The following SRRM1 variants were observed in gnomAD, a reference collection of about 807,000 sequenced individuals.
SRRM1 encodes the protein serine/arginine repetitive matrix protein 1.
SRRM1 carries 19 observed loss-of-function variants against 110.2 expected under a neutral mutation model. The observed-to-expected ratio is 0.17, with a 90% CI of 0.12 to 0.25. The LOEUF is 0.25. SRRM1 is among the 10% of genes least tolerant of loss of function. The pLI is 1.00. For synonymous variants in SRRM1, 443 were observed against 414.9 expected (o/e 1.07, Z -0.82); for missense variants, 918 against 1,145.8 (o/e 0.80, Z 2.87).
intron 2 of SRRM1, among the ~76,000 whole-genome samples, chr1:24,646,304 A>G (rs181588144): frequency 4.6e-5 from 7 of 152,230 alleles, no homozygotes; most frequent in Admixed American, 3.9e-4. Flanking sequence ...GAGGCGGGCA[A>G]ATCACAATGT....
At chr1:24,662,069 G>A (rs1307831274) in intron 11 of SRRM1, among the ~76,000 whole-genome samples, 1 of 152,210 alleles carries the variant, frequency 6.6e-6, no homozygotes, top group East Asian at 1.9e-4. Flanking sequence ...CAGCCTGGGA[G>A]CCTGGGCAAC....
At chr1:24,668,248 G>A (rs971547849) in intron 13 of SRRM1, among the ~76,000 whole-genome samples, 2 of 152,120 alleles carry the variant, frequency 1.3e-5, no homozygotes, top group African/African-American at 2.4e-5. Context: ...GATGACAGGT[G>A]TGACCCACTC....
intron 12 of SRRM1, among the ~76,000 whole-genome samples, chr1:24,665,382 T>C (rs900342416): frequency 6.7e-5 from 10 of 149,972 alleles, no homozygotes; most frequent in Admixed American, 4.7e-4. Flanking sequence ...TGAGCCGATA[T>C]CGTGCCATTG....
intron 9 of SRRM1, among the ~76,000 whole-genome samples, chr1:24,660,412 GACA>G (rs1666551063): frequency 6.6e-6 from 1 of 152,192 alleles, no homozygotes. Context: ...GTTCAGATAT[GACA>G]ACAAGGTCTT....
chr1:24,651,966 C>T (rs1161734106), intron 6 of SRRM1, among the ~76,000 whole-genome samples: 2 of 145,254 alleles, frequency 1.4e-5, no homozygotes, highest in African/African-American at 2.5e-5. Context: ...GTGGGTGGAT[C>T]GCTTGAGCTC....
At chr1:24,657,579 G>T (rs1405548011) in intron 9 of SRRM1, among the ~76,000 whole-genome samples, 1 of 152,162 alleles carries the variant, frequency 6.6e-6, no homozygotes, top group Non-Finnish European at 1.5e-5. Context: ...ACTAATCAGG[G>T]CTTTAGGGCT....
At position 24,645,996 on chromosome 1, in the gene SRRM1, G is replaced by T; in HGVS notation, c.34G>T (p.Glu12Ter). The T allele has an allele frequency of 6.2e-7, 1 of 1,613,684 alleles. No homozygotes were observed. The highest frequency in any genetic ancestry group is 1.1e-5 in the South Asian group (1 of 91,034). ...TCTCTTCCTGCAGGGAACAAGTGCA[G>T]AACAGGATAATCGGTTCAGCAACAA... ...DAGFFRGTSA[E>*]QDNRFSNKQK... The change falls in exon 2 of 17, where the codon GAA becomes TAA. Residue 12 changes from glutamate (E) to a stop codon, truncating the protein, a stop_gained. Coordinates refer to ENST00000323848, the MANE Select transcript of SRRM1 (RefSeq NM_005839.4). LOFTEE classifies it high-confidence loss of function.
In SRRM1 at chr1:24,666,842, A is replaced by T. The variant is rs1437834308; in HGVS notation, c.1656A>T (p.Pro552=). ...GTAGACGGAGGAGAAGTCCATCCCC[A>T]CCACCCACCAGAAGGCGACGGTCTC... is the stretch of plus-strand genomic sequence containing the variant. ...PRGRRRRSPS[P]PPTRRRRSPS... is the part of the protein sequence containing the mutation. Residue 552 remains proline, a synonymous_variant, in exon 13 of 17, where the codon CCA becomes CCT. Transcript: ENST00000323848. The T allele has an allele frequency of 1.9e-6, 3 of 1,613,114 alleles. No individual in the cohort carries two copies. In the Admixed American group the frequency reaches 5.0e-5, roughly 27 times the overall value.
chr1:24,662,424 T>TA (rs895327762), intron 11 of SRRM1, among the ~76,000 whole-genome samples: 1 of 152,230 alleles, frequency 6.6e-6, no homozygotes. Flanking sequence ...TCAAACTTCT[T>TA]AGAGTATGCC....
chr1:24,661,399 A>G lies in SRRM1; in HGVS notation c.1483+3A>G. 6.2e-7 allele frequency: 1 copy of G among 1,606,646 alleles called. No homozygotes were observed. Among genetic ancestry groups the G allele is most frequent in the Non-Finnish European group, 8.5e-7 (1 of 1,175,780 alleles). On this transcript the variant is annotated splice_donor_region_variant and intron_variant, in intron 11 of 16. Transcript: ENST00000323848. ...ACAAAACCAGCAGTCTTCATCTGGT[A>G]TGGATGGTGATGAAAGTTTTTTTTC...
At chr1:24,652,808 T>A (rs1223391659) in intron 7 of SRRM1, 105 bp from the exon 8 acceptor site, 6 of 1,441,870 alleles carry the variant, frequency 4.2e-6, no homozygotes, top group African/African-American at 1.4e-5. Flanking sequence ...AATGGAAAAT[T>A]TTGATCTTTG....
intron 4 of SRRM1, 83 bp downstream of exon 4, chr1:24,649,112 C>T: frequency 7.8e-7 from 1 of 1,280,980 alleles, no homozygotes; most frequent in East Asian, 2.3e-5. Context: ...TATGACTCAG[C>T]TAGGATCTTC....
At position 24,659,324 on chromosome 1, in the gene SRRM1, C is replaced by T. The variant is rs570990100; in HGVS notation, c.1316-1395C>T. 1.2e-4 allele frequency among the ~76,000 whole-genome samples: 18 copies of T among 152,216 alleles called. No individual in the cohort carries two copies. In the East Asian group the frequency reaches 3.5e-3, roughly 29 times the overall value. Reference sequence around the variant, plus strand: ...GATCACTGGTTCTCTAATTACTGCCCCTTGGAATAAACCATTACAGAATTC... The same window carrying T: ...GATCACTGGTTCTCTAATTACTGCCTCTTGGAATAAACCATTACAGAATTC... On this transcript the variant is annotated intron_variant, in intron 9 of 16. Coordinates refer to ENST00000323848, the MANE Select transcript of SRRM1 (RefSeq NM_005839.4).
At chr1:24,661,832 G>C (rs1667380585) in intron 11 of SRRM1, among the ~76,000 whole-genome samples, 2 of 152,182 alleles carry the variant, frequency 1.3e-5, no homozygotes. Context: ...GCTCACACCT[G>C]TAGTCCCAGC....
chr1:24,666,595 C>T (rs1010163328), intron 12 of SRRM1: 4 of 418,264 alleles, frequency 9.6e-6, no homozygotes, highest in Non-Finnish European at 1.8e-5. Flanking sequence ...AACTCCGTCT[C>T]TACAAAAATA....
Position 24,650,038 on chromosome 1 carries a change from A to T in SRRM1, c.473A>T (p.Glu158Val). ...GACAAAGATAAAAGAGATAAGGAAG[A>T]AAAAGAAAGCAGCAGAGAAAAAAGG... ...DEDKDKRDKEEKESSREKRER... is the reference protein window; with the variant it reads ...DEDKDKRDKEVKESSREKRER... Residue 158 changes from glutamate to valine, a missense_variant, in exon 5 of 17, where the codon GAA becomes GTA. Transcript: ENST00000323848. 1 of 1,597,644 alleles carries T rather than the reference A, an allele frequency of 6.3e-7. No individual in the cohort carries two copies. Among genetic ancestry groups the T allele is most frequent in the South Asian group, 1.1e-5 (1 of 87,842 alleles).
chr1:24,659,835 C>A (rs1448205120), intron 9 of SRRM1, among the ~76,000 whole-genome samples: 1 of 152,184 alleles, frequency 6.6e-6, no homozygotes, highest in African/African-American at 2.4e-5. Flanking sequence ...TTGGATAATT[C>A]ATAGGATACC....
rs772982986 is a variant in SRRM1, at chr1:24,653,039, T to G, written c.1040+7T>G. ...GTAGATCTCCAGTAAGACGGTAAGA[T>G]TTTTTAAATTTGGAAGTGTCAAGTG... On this transcript the variant is annotated splice_region_variant and intron_variant, in intron 8 of 16. Coordinates refer to ENST00000323848, the MANE Select transcript of SRRM1 (RefSeq NM_005839.4). The G allele has an allele frequency of 1.5e-5, 24 of 1,609,150 alleles. No homozygotes were observed. Among genetic ancestry groups the G allele is most frequent in the Non-Finnish European group, 5.1e-6 (6 of 1,177,984 alleles).
rs1369035491 is a variant in SRRM1, at chr1:24,660,757, TCAC to T, written c.1357_1359del (p.Pro453del). 1.9e-6 allele frequency: 3 copies of T among 1,592,874 alleles called. No individual in the cohort carries two copies. Among genetic ancestry groups the T allele is most frequent in the Non-Finnish European group, 1.7e-6 (2 of 1,171,272 alleles). Reference sequence around the variant, plus strand: ...AGGTACTGAGAAAAGAGAATCCCCTTCACCAGCACCGAAGCCTAGAAAAGTAGA... The same window carrying T: ...AGGTACTGAGAAAAGAGAATCCCCTTCAGCACCGAAGCCTAGAAAAGTAGA... On this transcript the variant is annotated inframe_deletion, in exon 10 of 17. Coordinates refer to ENST00000323848, the MANE Select transcript of SRRM1 (RefSeq NM_005839.4).
Sources: allele counts gnomAD v4.1 joint callset (sites outside exome capture counted in the v4.1 genomes callset), GRCh38; gene constraint gnomAD v4.1.1; transcripts MANE v1.5; gene names NCBI Gene and HGNC (gene_info 2026-07-23, HGNC 2026-07-21).